Variants in PTCHD4 observed in about 807,000 individuals in gnomAD.
PTCHD4 encodes the protein patched domain-containing protein 4.
PTCHD4 carries 33 observed loss-of-function variants against 58.1 expected under a neutral mutation model. The ratio of observed to expected loss-of-function variants is 0.57; its 90% CI spans 0.43 to 0.76. The LOEUF is 0.76. Among genes scored for constraint, PTCHD4 ranks in the 30% least tolerant of loss-of-function variants. PTCHD4 has a pLI of 0.00. For synonymous variants in PTCHD4, 478 were observed against 409.6 expected (o/e 1.17, Z -2.02); for missense variants, 1,058 against 1,027.1 (o/e 1.03, Z -0.41).
intron 4 of PTCHD4, among the ~76,000 whole-genome samples, chr6:47,898,833 G>A (rs9369752): frequency 6.6e-6 from 1 of 152,260 alleles, no homozygotes; most frequent in East Asian, 1.9e-4. Context: ...GGGGAAAGAA[G>A]AAAAGAGAGA....
intron 4 of PTCHD4, among the ~76,000 whole-genome samples, chr6:47,932,629 A>C (rs1765864775): frequency 1.3e-5 from 2 of 152,228 alleles, no homozygotes; most frequent in Admixed American, 1.3e-4. Context: ...ATGGCCTGCA[A>C]TACAGTAGGT....
At chr6:47,924,829 A>T (rs1335735246) in intron 4 of PTCHD4, among the ~76,000 whole-genome samples, 1 of 152,060 alleles carries the variant, frequency 6.6e-6, no homozygotes, top group Non-Finnish European at 1.5e-5. Context: ...CTCTGATCAA[A>T]TGTTACTTCC....
chr6:47,917,307 C>T (rs1478145766), intron 4 of PTCHD4, among the ~76,000 whole-genome samples: 1 of 152,044 alleles, frequency 6.6e-6, no homozygotes, highest in East Asian at 1.9e-4. Context: ...AAGTAAATTG[C>T]TCAAGGTCAT....
chr6:48,041,909 GTGTT>G (rs1763861502), intron 3 of PTCHD4, among the ~76,000 whole-genome samples: 1 of 151,926 alleles, frequency 6.6e-6, no homozygotes, highest in Non-Finnish European at 1.5e-5. Flanking sequence ...AAAATTAAAA[GTGTT>G]TGGATTGCTG....
intron 4 of PTCHD4, among the ~76,000 whole-genome samples, chr6:47,986,344 A>T (rs1310138036): frequency 2.6e-5 from 4 of 152,180 alleles, no homozygotes. Flanking sequence ...CTGGGACATT[A>T]TAAATGCTCA....
chr6:48,043,542 T>A (rs929854719), intron 3 of PTCHD4, among the ~76,000 whole-genome samples: 2 of 151,906 alleles, frequency 1.3e-5, no homozygotes, highest in African/African-American at 4.8e-5. Flanking sequence ...TTCTGCAAAT[T>A]TCTTTATTTT....
intron 3 of PTCHD4, among the ~76,000 whole-genome samples, chr6:48,042,039 A>G (rs554031061): frequency 6.6e-6 from 1 of 152,026 alleles, no homozygotes; most frequent in East Asian, 1.9e-4. Context: ...TAACTGCAGA[A>G]AACAAACAGA....
chr6:47,892,408 C>A (rs1764408945), intron 4 of PTCHD4, among the ~76,000 whole-genome samples: 1 of 152,154 alleles, frequency 6.6e-6, no homozygotes, highest in Non-Finnish European at 1.5e-5. Flanking sequence ...AGGACATTTC[C>A]TGAGTGCTGC....
At chr6:48,093,901 G>A (rs1765412912) in intron 1 of PTCHD4, among the ~76,000 whole-genome samples, 1 of 152,132 alleles carries the variant, frequency 6.6e-6, no homozygotes, top group African/African-American at 2.4e-5. Context: ...CATCCCATGA[G>A]GGCAAGGCAT....
intron 4 of PTCHD4, chr6:47,899,846 T>G (rs1248304306): frequency 3.3e-5 from 5 of 152,222 alleles, no homozygotes; most frequent in Admixed American, 3.3e-4. Context: ...CTCTACATAT[T>G]TGCCTACTCT....
chr6:47,897,621 G>A (rs1450362451), intron 4 of PTCHD4, among the ~76,000 whole-genome samples: 3 of 152,156 alleles, frequency 2.0e-5, no homozygotes, highest in Admixed American at 1.3e-4. Context: ...TTGTTAGGTG[G>A]AGATTCCTAC....
At chr6:48,022,112 T>A (rs1763091809) in intron 3 of PTCHD4, among the ~76,000 whole-genome samples, 1 of 152,058 alleles carries the variant, frequency 6.6e-6, no homozygotes, top group Admixed American at 6.6e-5. Context: ...GATTTTAATA[T>A]CTCATTGTCC....
At chr6:48,004,653 C>T (rs1393113272) in intron 4 of PTCHD4, among the ~76,000 whole-genome samples, 2 of 152,142 alleles carry the variant, frequency 1.3e-5, no homozygotes, top group East Asian at 3.8e-4. Flanking sequence ...CACGGTGGCT[C>T]ATGCTATAAT....
intron 3 of PTCHD4, among the ~76,000 whole-genome samples, chr6:48,018,247 T>A (rs1762934206): frequency 6.6e-6 from 1 of 152,228 alleles, no homozygotes; most frequent in African/African-American, 2.4e-5. Context: ...GAAGACATGC[T>A]GTTCAGCTTT....
At chr6:47,965,760 C>T (rs1767264193) in intron 4 of PTCHD4, among the ~76,000 whole-genome samples, 1 of 152,040 alleles carries the variant, frequency 6.6e-6, no homozygotes, top group Non-Finnish European at 1.5e-5. Flanking sequence ...AACCCCGTCT[C>T]TACTAAAACT....
At chr6:48,079,299 C>T (rs1582118829) in intron 1 of PTCHD4, among the ~76,000 whole-genome samples, 1 of 151,988 alleles carries the variant, frequency 6.6e-6, no homozygotes, top group Non-Finnish European at 1.5e-5. Flanking sequence ...AAATGAATCC[C>T]GTTCCCTGAC....
chr6:47,893,689 A>G lies in PTCHD4; in HGVS notation c.899-13753T>C, dbSNP rs531179233. On this transcript the variant is annotated intron_variant, in intron 4 of 4. Transcript: ENST00000339488. ...CACAGATACATGAGTCCCTTAGTACAAATATCTGGTACACAATTACTGTGC... is the reference window on the plus strand; with the variant it reads ...CACAGATACATGAGTCCCTTAGTACGAATATCTGGTACACAATTACTGTGC... Among the ~76,000 whole-genome samples the G allele has an allele frequency of 5.6e-4, 85 of 152,368 alleles. 2 individuals carry two copies. The South Asian group carries it at 0.017, about 30-fold the overall frequency.
At position 47,857,223 on chromosome 6, in the gene PTCHD4, T is replaced by A. The variant is rs1430679528; in HGVS notation, c.*21080A>T. Reference sequence around the variant, plus strand: ...GTGCTGCTAACTGTGTGCTGGTGTATTGTGCTGCCTATGGGAAATGGTGTT... The same window carrying A: ...GTGCTGCTAACTGTGTGCTGGTGTAATGTGCTGCCTATGGGAAATGGTGTT... On this transcript the variant is annotated 3_prime_UTR_variant, in exon 5 of 5. Coordinates refer to ENST00000339488, the MANE Select transcript of PTCHD4 (RefSeq NM_001384253.1). Among the ~76,000 whole-genome samples, 1 of 152,056 alleles carries A rather than the reference T, an allele frequency of 6.6e-6. No homozygotes were observed. Among genetic ancestry groups the A allele is most frequent in the African/African-American group, 2.4e-5 (1 of 41,424 alleles).
At chr6:48,002,725 A>T (rs946169941) in intron 4 of PTCHD4, among the ~76,000 whole-genome samples, 6 of 151,742 alleles carry the variant, frequency 4.0e-5, no homozygotes, top group African/African-American at 1.5e-4. Context: ...AAACCTGCAC[A>T]TTGTGCACAT....
Sources: gnomAD v4.1 joint callset for allele counts (sites outside exome capture counted in the v4.1 genomes callset) on GRCh38, gnomAD v4.1.1 for gene constraint, MANE v1.5 for transcripts, NCBI Gene and HGNC (gene_info 2026-07-23, HGNC 2026-07-21) for gene names.